The following CCKBR variants were observed in gnomAD, a reference collection of about 807,000 sequenced individuals.
CCKBR encodes cholecystokinin B receptor.
Under a neutral mutation model 34.6 loss-of-function variants are expected in CCKBR, and 33 were observed. The observed-to-expected ratio is 0.95, with a 90% CI of 0.72 to 1.27. The LOEUF is 1.27. Ranked by LOEUF, CCKBR falls within the 50% of genes most tolerant of loss-of-function variation. CCKBR has a pLI of 0.00. For synonymous variants in CCKBR, 269 were observed against 267.5 expected, an observed-to-expected ratio of 1.01 and a Z score of -0.06; for missense variants, 652 against 617.4, an observed-to-expected ratio of 1.06 and a Z score of -0.59.
chr11:6,271,098 C>T lies in CCKBR; in HGVS notation c.899C>T (p.Ser300Phe). Residue 300 changes from serine (S) to phenylalanine (F), a missense_variant, in exon 5 of 5, where the codon TCC (serine) becomes TTC (phenylalanine). Physicochemically the swap from Ser to Phe is radical, Grantham distance 155. Transcript: ENST00000334619. ...GGCTGCTACGTGCAACTTCCACGTTCCCGGCCTGCCCTGGAGCTGACGGCG... is the reference window on the plus strand; with the variant it reads ...GGCTGCTACGTGCAACTTCCACGTTTCCGGCCTGCCCTGGAGCTGACGGCG... ...SDGCYVQLPR[S>F]RPALELTALT... 2 of 1,614,144 alleles carry T rather than the reference C, an allele frequency of 1.2e-6. No individual in the cohort carries two copies. The highest frequency in any genetic ancestry group is 2.2e-5 in the South Asian group (2 of 91,074).
intron 1 of CCKBR, among the ~76,000 whole-genome samples, chr11:6,267,796 T>C (rs573278121): frequency 2.1e-4 from 32 of 152,288 alleles, no homozygotes; most frequent in Non-Finnish European, 3.8e-4. Context: ...TACAATAACA[T>C]TACTAGGTGA....
At chr11:6,269,602 G>C in intron 1 of CCKBR, 67 bp from the exon 2 acceptor site, 1 of 1,568,394 alleles carries the variant, frequency 6.4e-7, no homozygotes, top group Non-Finnish European at 8.6e-7. Flanking sequence ...GGGATAAGAC[G>C]GAAGGAGGGG....
At chr11:6,262,686 A>AGAGAGAGAG (rs1848151506) in intron 1 of CCKBR, among the ~76,000 whole-genome samples, 4 of 119,204 alleles carry the variant, frequency 3.4e-5, no homozygotes, top group South Asian at 2.9e-4. Flanking sequence ...TAGGCAAAGA[A>AGAGAGAGAG]AGAGAGAGAG....
rs1554918943 is a variant in CCKBR, at chr11:6,261,454, A to AATATAT, written c.151+1379_151+1384dup. On this transcript the variant is annotated intron_variant, in intron 1 of 4. Coordinates refer to ENST00000334619, the MANE Select transcript of CCKBR (RefSeq NM_176875.4). ...GTTGGCAAAAAAAAAAAAAAAAAAA[A>AATATAT]ATATATATACACACACACACACACA... 1.3e-3 allele frequency among the ~76,000 whole-genome samples: 79 copies of AATATAT among 60,888 alleles called. 3 individuals are homozygous for AATATAT. The highest frequency in any genetic ancestry group is 5.3e-3 in the East Asian group (9 of 1,686). The allele number at this position is 60,888 out of a possible 152,430, so 39.9% of individuals were successfully genotyped here. A position where few individuals can be genotyped will look rare whatever the true frequency, so the allele number is the denominator to read the frequency against.
chr11:6,261,042 A>G (rs2941026), intron 1 of CCKBR, among the ~76,000 whole-genome samples: 79,204 of 152,016 alleles, frequency 0.52, 21,277 homozygotes, highest in East Asian at 0.82. Context: ...CTAAACTCAA[A>G]AAGGGAAAGT....
chr11:6,266,345 C>T (rs757088384), intron 1 of CCKBR, among the ~76,000 whole-genome samples: 7 of 151,922 alleles, frequency 4.6e-5, no homozygotes, highest in African/African-American at 1.7e-4. Context: ...CAAAATTAGC[C>T]GGGCGTGGTG....
intron 1 of CCKBR, among the ~76,000 whole-genome samples, chr11:6,261,165 A>G: frequency 6.6e-6 from 1 of 152,124 alleles, no homozygotes; most frequent in African/African-American, 2.4e-5. Flanking sequence ...ATATTTATTG[A>G]ACCAGAGATT....
chr11:6,270,854 G>GTGA (rs777502871), intron 4 of CCKBR, 51 bp downstream of exon 4: 36 of 1,613,258 alleles, frequency 2.2e-5, no homozygotes, highest in Non-Finnish European at 2.9e-5. Context: ...GCTTTGGAGG[G>GTGA]CGACGGGGCC....
At chr11:6,270,609 G>A (rs773104207) in intron 3 of CCKBR, 37 bp from the exon 4 acceptor site, 2 of 1,560,406 alleles carry the variant, frequency 1.3e-6, no homozygotes, top group Non-Finnish European at 1.7e-6. Flanking sequence ...ATTACAGCTG[G>A]ACAGAAACCC....
intron 1 of CCKBR, among the ~76,000 whole-genome samples, chr11:6,261,462 T>TATAC (rs764173521): frequency 9.4e-4 from 60 of 63,976 alleles, no homozygotes; most frequent in African/African-American, 3.0e-3. Context: ...AAAATATATA[T>TATAC]ACACACACAC....
At chr11:6,264,340 C>T (rs1296719711) in intron 1 of CCKBR, 1 of 566,286 alleles carries the variant, frequency 1.8e-6, no homozygotes, top group Non-Finnish European at 3.1e-6. Context: ...CAGATCAAAC[C>T]TGCCAGTAGA....
chr11:6,265,511 T>A (rs1370302667), intron 1 of CCKBR, among the ~76,000 whole-genome samples: 1 of 151,994 alleles, frequency 6.6e-6, no homozygotes, highest in Non-Finnish European at 1.5e-5. Flanking sequence ...CCAGGGCAGA[T>A]GTAAGCAAGA....
intron 1 of CCKBR, among the ~76,000 whole-genome samples, chr11:6,267,435 A>G (rs1394052068): frequency 6.6e-6 from 1 of 152,128 alleles, no homozygotes; most frequent in African/African-American, 2.4e-5. Context: ...AAATATTGCC[A>G]TCTTCCACCT....
chr11:6,271,284 G>C lies in CCKBR; in HGVS notation c.1085G>C (p.Gly362Ala). 1 of 1,614,222 alleles carries C rather than the reference G, an allele frequency of 6.2e-7. No individual in the cohort carries two copies. The highest frequency in any genetic ancestry group is 8.5e-7 in the Non-Finnish European group (1 of 1,180,034). Residue 362 changes from glycine (G) to alanine (A), a missense_variant, in exon 5 of 5, where the codon GGT becomes GCT. By Grantham distance (60) the Gly-to-Ala change is moderately conservative. Coordinates refer to ENST00000334619, the MANE Select transcript of CCKBR (RefSeq NM_176875.4). ...ACGTGGCGCGCCTTTGATGGCCCGGGTGCACACCGAGCACTCTCGGGTGCT... is the reference window on the plus strand; with the variant it reads ...ACGTGGCGCGCCTTTGATGGCCCGGCTGCACACCGAGCACTCTCGGGTGCT... ...ANTWRAFDGP[G>A]AHRALSGAPI... is the part of the protein sequence containing the mutation.
intron 1 of CCKBR, among the ~76,000 whole-genome samples, chr11:6,260,739 T>A (rs1848117515): frequency 6.6e-6 from 1 of 152,240 alleles, no homozygotes; most frequent in Non-Finnish European, 1.5e-5. Flanking sequence ...CTGCAAGTAA[T>A]GTCTCCAGCT....
At chr11:6,269,088 C>T (rs533809225) in intron 1 of CCKBR, among the ~76,000 whole-genome samples, 4 of 151,068 alleles carry the variant, frequency 2.6e-5, no homozygotes, top group Non-Finnish European at 4.4e-5. Flanking sequence ...AGAAAGAAGT[C>T]CCTTCTGGGA....
intron 1 of CCKBR, among the ~76,000 whole-genome samples, chr11:6,262,801 G>A (rs1446278862): frequency 2.6e-5 from 4 of 152,102 alleles, no homozygotes; most frequent in African/African-American, 9.7e-5. Flanking sequence ...GGTTTGTTAC[G>A]TGTGTGCGCG....
At chr11:6,269,647 A>G in intron 1 of CCKBR, 22 bp from the exon 2 acceptor site, 1 of 1,608,400 alleles carries the variant, frequency 6.2e-7, no homozygotes, top group Non-Finnish European at 8.5e-7. Context: ...CCCTACTGCC[A>G]CCTCTCCCTT....
At chr11:6,264,852 C>A (rs1339570163) in intron 1 of CCKBR, among the ~76,000 whole-genome samples, 1 of 152,212 alleles carries the variant, frequency 6.6e-6, no homozygotes, top group African/African-American at 2.4e-5. Context: ...CATACACACA[C>A]AACCACACAT....
Sources: gnomAD v4.1 joint callset for allele counts (sites outside exome capture counted in the v4.1 genomes callset) on GRCh38, gnomAD v4.1.1 for gene constraint, MANE v1.5 for transcripts, NCBI Gene and HGNC (gene_info 2026-07-23, HGNC 2026-07-21) for gene names.